The following NPS variants were observed in gnomAD, a reference collection of about 807,000 sequenced individuals.
NPS encodes neuropeptide S, also known as prepro-neuropeptide S.
Under a neutral mutation model 7.2 loss-of-function variants are expected in NPS, and 6 were observed. The ratio of observed to expected loss-of-function variants is 0.83; its 90% CI spans 0.46 to 1.64. NPS has a LOEUF of 1.64. NPS is among the 40% of genes most tolerant of loss of function. The pLI is 0.01. For missense variants in NPS, 123 were observed against 97.8 expected, an observed-to-expected ratio of 1.26 and a Z score of -1.09; for synonymous variants, 42 against 36.7, an observed-to-expected ratio of 1.14 and a Z score of -0.52.
chr10:127,550,764 A>C (rs1844850669), intron 2 of NPS, among the ~76,000 whole-genome samples: 1 of 152,172 alleles, frequency 6.6e-6, no homozygotes, highest in Admixed American at 6.5e-5. Context: ...CCGTAGTAAG[A>C]GTGTGGATGC....
Position 127,549,349 on chromosome 10 carries a change from C to T in NPS, c.-20C>T. 1 of 1,602,194 alleles carries T rather than the reference C, an allele frequency of 6.2e-7. No homozygotes were observed. The highest frequency in any genetic ancestry group is 8.5e-7 in the Non-Finnish European group (1 of 1,170,874). ...TTGGCAATAAAACCACCTATCTTTA[C>T]AGATTTTGGGAAGTCCAAAATGATT... On this transcript the variant is annotated 5_prime_UTR_variant, in exon 1 of 3. Transcript: ENST00000398023.
chr10:127,551,429 C>G (rs750242495), intron 2 of NPS, among the ~76,000 whole-genome samples: 4 of 151,770 alleles, frequency 2.6e-5, no homozygotes, highest in Non-Finnish European at 4.4e-5. Context: ...TTTCCTGCAC[C>G]AAGATAGAAA....
In NPS at chr10:127,552,748, A is replaced by T. The variant is rs1014924808; in HGVS notation, c.*109A>T. ...AGTGTTGGCATGCTCTCTATTCTCA[A>T]ATATCTTTCCTCTCCTGACTGGTAC... is the stretch of plus-strand genomic sequence containing the variant. On this transcript the variant is annotated 3_prime_UTR_variant, in exon 3 of 3. Coordinates refer to ENST00000398023, the MANE Select transcript of NPS (RefSeq NM_001030013.2). 8.7e-5 allele frequency: 63 copies of T among 727,382 alleles called. No homozygotes were observed. The East Asian group carries it at 9.3e-4, about 11-fold the overall frequency. 45.1% of individuals were successfully genotyped at this position (727,382 alleles called of 1,614,324 possible).
Position 127,552,599 on chromosome 10 carries a change from C to G in NPS, c.230C>G (p.Thr77Arg). ...VKRSFRNGVG[T>R]GMKKTSFQRA... Reference sequence around the variant, plus strand: ...AGGTCCTTTCGCAATGGAGTTGGCACAGGGATGAAAAAAACTTCCTTTCAA... The same window carrying G: ...AGGTCCTTTCGCAATGGAGTTGGCAGAGGGATGAAAAAAACTTCCTTTCAA... Residue 77 changes from threonine (T) to arginine (R), a missense_variant, in exon 3 of 3, where the codon ACA becomes AGA. Coordinates refer to ENST00000398023, the MANE Select transcript of NPS (RefSeq NM_001030013.2). 6.2e-7 allele frequency: 1 copy of G among 1,613,462 alleles called. No homozygotes were observed.
Position 127,553,198 on chromosome 10 carries a change from A to G in NPS, c.*559A>G, listed in dbSNP as rs1342295449. On this transcript the variant is annotated 3_prime_UTR_variant, in exon 3 of 3. Coordinates refer to ENST00000398023, the MANE Select transcript of NPS (RefSeq NM_001030013.2). The stretch of plus-strand genomic sequence containing the variant: ...AACATCCCTGGAGCACTCTAGATGT[A>G]ATTCTTGTCTCCCTTTTCCTATTCC... 6.6e-6 allele frequency among the ~76,000 whole-genome samples: 1 copy of G among 152,146 alleles called. No individual in the cohort carries two copies. The highest frequency in any genetic ancestry group is 1.5e-5 in the Non-Finnish European group (1 of 68,016).
Position 127,552,640 on chromosome 10 carries a change from CTA to C in NPS, c.*2_*3del. On this transcript the variant is annotated 3_prime_UTR_variant, in exon 3 of 3. Transcript: ENST00000398023. ...TTCCTTTCAAAGAGCAAAATCATGACTAAGTGTGCAAAGGACTCGGGGAATTA... is the reference window on the plus strand; with the variant it reads ...TTCCTTTCAAAGAGCAAAATCATGACAGTGTGCAAAGGACTCGGGGAATTA... 1 of 1,604,656 alleles carries C rather than the reference CTA, an allele frequency of 6.2e-7. No individual in the cohort carries two copies. Among genetic ancestry groups the C allele is most frequent in the South Asian group, 1.1e-5 (1 of 90,758 alleles).
chr10:127,551,467 T>C (rs1185450274), intron 2 of NPS, among the ~76,000 whole-genome samples: 2 of 152,198 alleles, frequency 1.3e-5, no homozygotes, highest in East Asian at 1.9e-4. Flanking sequence ...CCTTGTAGTA[T>C]GTCTCTTTAT....
chr10:127,550,246 G>A (rs1400194459), intron 2 of NPS, among the ~76,000 whole-genome samples: 2 of 152,056 alleles, frequency 1.3e-5, no homozygotes, highest in Admixed American at 1.3e-4. Flanking sequence ...TATAATGACT[G>A]AAATCAATGT....
Position 127,550,291 on chromosome 10 carries a change from C to T in NPS, c.90+721C>T, listed in dbSNP as rs1214950564. 3.9e-5 allele frequency among the ~76,000 whole-genome samples: 6 copies of T among 152,022 alleles called. No homozygotes were observed. The East Asian group carries it at 7.7e-4, about 20-fold the overall frequency. On this transcript the variant is annotated intron_variant, in intron 2 of 2. Transcript: ENST00000398023. ...AACTACTTTTAGGATAAAGGGATGT[C>T]GCATAAATCCTAAGTGATAAATATA...
In NPS at chr10:127,552,533, T is replaced by C; in HGVS notation, c.164T>C (p.Leu55Pro). Residue 55 changes from leucine to proline, a missense_variant, in exon 3 of 3, where the codon CTA becomes CCA. Transcript: ENST00000398023. ...ACCAGATTGGACAGGAGCAAAGAAC[T>C]AGCTTTTCTAAAGCCAATTTTGGAG... The part of the protein sequence containing the change: ...CPTRLDRSKE[L>P]AFLKPILEKM... 6.2e-7 allele frequency: 1 copy of C among 1,611,910 alleles called. No individual in the cohort carries two copies. Among genetic ancestry groups the C allele is most frequent in the Non-Finnish European group, 8.5e-7 (1 of 1,177,958 alleles).
intron 2 of NPS, 152 bp from the exon 3 acceptor site, chr10:127,552,308 A>G: frequency 1.6e-6 from 1 of 627,020 alleles, no homozygotes. Flanking sequence ...GTATCTAGAT[A>G]AAGTAGATAT....
rs112166159 is a variant in NPS, at chr10:127,549,599, T to A, written c.90+29T>A. 1,819 of 1,206,086 alleles carry A rather than the reference T, an allele frequency of 1.5e-3. 23 individuals carry two copies. The African/African-American group carries it at 0.024, about 16-fold the overall frequency. 74.7% of individuals were successfully genotyped at this position (1,206,086 alleles called of 1,614,324 possible). On this transcript the variant is annotated intron_variant, in intron 2 of 2. Coordinates refer to ENST00000398023, the MANE Select transcript of NPS (RefSeq NM_001030013.2). ...AGGATTTGCCTCCGTTGTGGATATT[T>A]AAATAGATGACTAGAATGGTAAATT...
intron 2 of NPS, 43 bp downstream of exon 2, chr10:127,549,613 G>A (rs749689915): frequency 1.7e-5 from 19 of 1,095,116 alleles, no homozygotes; most frequent in Non-Finnish European, 1.7e-5. Context: ...TAGATGACTA[G>A]AATGGTAAAT....
chr10:127,549,784 T>A (rs986844831), intron 2 of NPS, among the ~76,000 whole-genome samples: 4 of 152,248 alleles, frequency 2.6e-5, no homozygotes, highest in African/African-American at 9.6e-5. Flanking sequence ...TGTTTTGAAT[T>A]ATTTAGGGTT....
chr10:127,551,848 C>A (rs1294904674), intron 2 of NPS, among the ~76,000 whole-genome samples: 1 of 152,094 alleles, frequency 6.6e-6, no homozygotes, highest in Non-Finnish European at 1.5e-5. Flanking sequence ...TTTTTATCTG[C>A]AAAATATGGG....
intron 2 of NPS, 122 bp downstream of exon 2, chr10:127,549,692 C>T (rs1844840457): frequency 4.6e-6 from 3 of 658,490 alleles, no homozygotes; most frequent in South Asian, 3.9e-5. Context: ...TTAGAGTTCT[C>T]AATGGGAAAA....
intron 2 of NPS, among the ~76,000 whole-genome samples, chr10:127,551,105 T>A (rs971887661): frequency 2.0e-5 from 3 of 152,182 alleles, no homozygotes; most frequent in African/African-American, 4.8e-5. Context: ...GGATTTTAAA[T>A]AGAAGGCGTT....
Position 127,549,362 on chromosome 10 carries a change from G to A in NPS, c.-7G>A. On this transcript the variant is annotated 5_prime_UTR_variant, in exon 1 of 3. Transcript: ENST00000398023. ...CACCTATCTTTACAGATTTTGGGAA[G>A]TCCAAAATGATTAGGTAAAAGGCTA... 1 of 1,607,390 alleles carries A rather than the reference G, an allele frequency of 6.2e-7. No homozygotes were observed. The highest frequency in any genetic ancestry group is 8.5e-7 in the Non-Finnish European group (1 of 1,174,980).
rs1344995464 is a variant in NPS at position 127,552,611 on chromosome 10, A to C, written c.242A>C (p.Lys81Thr). The C allele has an allele frequency of 6.2e-7, 1 of 1,613,530 alleles. No homozygotes were observed. The highest frequency in any genetic ancestry group is 8.5e-7 in the Non-Finnish European group (1 of 1,179,664). Residue 81 changes from lysine (K) to threonine (T), a missense_variant, in exon 3 of 3, where the codon AAA becomes ACA. Lys to Thr is a moderately conservative substitution (Grantham distance 78, BLOSUM62 -1). Coordinates refer to ENST00000398023, the MANE Select transcript of NPS (RefSeq NM_001030013.2). ...AATGGAGTTGGCACAGGGATGAAAA[A>C]AACTTCCTTTCAAAGAGCAAAATCA... ...FRNGVGTGMK[K>T]TSFQRAKS
Sources: gnomAD v4.1 joint callset for allele counts (sites outside exome capture counted in the v4.1 genomes callset) on GRCh38, gnomAD v4.1.1 for gene constraint, MANE v1.5 for transcripts, NCBI Gene and HGNC (gene_info 2026-07-23, HGNC 2026-07-21) for gene names.